The following KCTD19 variants were observed in gnomAD, a reference collection of about 807,000 sequenced individuals.
KCTD19 encodes the protein BTB/POZ domain-containing protein KCTD19.
KCTD19 carries 67 observed loss-of-function variants against 103.5 expected under a neutral mutation model. That is an observed-to-expected ratio of 0.65 (90% CI 0.53 to 0.79). The LOEUF (loss-of-function observed/expected upper bound fraction) is 0.79. Ranked by LOEUF, KCTD19 falls within the 30% of genes least tolerant of loss-of-function variation. The probability of loss-of-function intolerance (pLI) is 0.00; values close to 1 mark genes in which losing one functional copy is unlikely to be tolerated. For missense variants in KCTD19, 980 were observed against 1,136.1 expected (o/e 0.86, Z 1.98); for synonymous variants, 439 against 452.2 (o/e 0.97, Z 0.37).
rs371085149 is a variant in KCTD19 at position 67,289,668 on chromosome 16, G to A, written c.2682C>T (p.Phe894=). ...LYSWVELTLP[F]ARKYGRCMDL... ...CCATGCATCGGCCATATTTCCTGGC[G>A]AAGGGCAGTGTAAGCTGGAAGGAAA... is the stretch of plus-strand genomic sequence containing the variant. The change falls in exon 16 of 16, where the codon TTC becomes TTT. Residue 894 remains phenylalanine (F), a synonymous_variant. Coordinates refer to ENST00000304372, the MANE Select transcript of KCTD19 (RefSeq NM_001100915.3). 92 of 1,613,350 alleles carry A rather than the reference G, an allele frequency of 5.7e-5. No individual in the cohort carries two copies. The African/African-American group carries it at 6.5e-4, about 11-fold the overall frequency.
chr16:67,295,702 T>C (rs936103198), intron 8 of KCTD19: 5 of 347,114 alleles, frequency 1.4e-5, no homozygotes, highest in African/African-American at 1.0e-4. Flanking sequence ...CTATGCAAAC[T>C]CTGGAGGGCC....
chr16:67,296,523 C>T (rs1353915637), intron 7 of KCTD19, among the ~76,000 whole-genome samples: 2 of 152,166 alleles, frequency 1.3e-5, no homozygotes, highest in African/African-American at 4.8e-5. Context: ...ACCCTGTCCA[C>T]CTACAATGCC....
In KCTD19 at chr16:67,293,544, C is replaced by T; in HGVS notation, c.2218G>A (p.Glu740Lys). Reference protein sequence around the residue: ...DWSKQRTKERESPAPEQPLPE... With the variant: ...DWSKQRTKERKSPAPEQPLPE... Reference sequence around the variant, plus strand: ...TAGATCAAAGGGGGACAGGACTCACCTCTCTCCTTGGTCCTCTGCTTGCTC... The same window carrying T: ...TAGATCAAAGGGGGACAGGACTCACTTCTCTCCTTGGTCCTCTGCTTGCTC... The change falls in exon 12 of 16, where the codon GAA (glutamate) becomes AAA (lysine). Residue 740 changes from glutamate to lysine, a missense_variant and splice_region_variant. Glu to Lys is a moderately conservative substitution (Grantham distance 56, BLOSUM62 1). Coordinates refer to ENST00000304372, the MANE Select transcript of KCTD19 (RefSeq NM_001100915.3). The surrounding 1 kb of genome is among the most constrained non-coding windows in gnomAD (Gnocchi z 4.0). 1 of 1,613,068 alleles carries T rather than the reference C, an allele frequency of 6.2e-7. No homozygotes were observed. The highest frequency in any genetic ancestry group is 8.5e-7 in the Non-Finnish European group (1 of 1,179,394).
In KCTD19 at chr16:67,289,641, G is replaced by A. The variant is rs377068044; in HGVS notation, c.2709C>T (p.Asp903=). 4.3e-6 allele frequency: 7 copies of A among 1,614,036 alleles called. No homozygotes were observed. In the South Asian group the frequency reaches 4.4e-5, roughly 10 times the overall value. ...PFARKYGRCM[D]LLIQRGLSRS... ...TAGACAGGCCCCTCTGGATGAGCAGGTCCATGCATCGGCCATATTTCCTGG... is the reference window on the plus strand; with the variant it reads ...TAGACAGGCCCCTCTGGATGAGCAGATCCATGCATCGGCCATATTTCCTGG... The change falls in exon 16 of 16, where the codon GAC becomes GAT. Residue 903 remains aspartate, a synonymous_variant. Transcript: ENST00000304372.
chr16:67,324,376 TTA>T (rs1451771193), intron 1 of KCTD19, among the ~76,000 whole-genome samples: 7 of 152,234 alleles, frequency 4.6e-5, no homozygotes, highest in Non-Finnish European at 1.0e-4. Flanking sequence ...CGAATTCTAA[TTA>T]AAAATTATGC....
chr16:67,322,201 T>G (rs2037081735), intron 1 of KCTD19, among the ~76,000 whole-genome samples: 1 of 151,724 alleles, frequency 6.6e-6, no homozygotes. Flanking sequence ...TCCATATGCA[T>G]AAAAGATAAT....
Position 67,290,987 on chromosome 16 carries a change from C to G in KCTD19, c.2566-1G>C, listed in dbSNP as rs2036683571. The G allele has an allele frequency of 2.5e-6, 4 of 1,613,922 alleles. No individual in the cohort carries two copies. Among genetic ancestry groups the G allele is most frequent in the Non-Finnish European group, 3.4e-6 (4 of 1,179,906 alleles). The stretch of plus-strand genomic sequence containing the variant: ...ACTGCTTGGGGCTGATGTGCAGGGT[C>G]TGCCAGGAGAGCCCACAGTCAGGCA... On this transcript the variant is annotated splice_acceptor_variant, in intron 14 of 15. Coordinates refer to ENST00000304372, the MANE Select transcript of KCTD19 (RefSeq NM_001100915.3). LOFTEE classifies it high-confidence loss of function.
In KCTD19 at chr16:67,299,542, C is replaced by T; in HGVS notation, c.807G>A (p.Leu269=). 1.9e-6 allele frequency: 3 copies of T among 1,613,540 alleles called. No homozygotes were observed. Among genetic ancestry groups the T allele is most frequent in the South Asian group, 1.1e-5 (1 of 91,080 alleles). ...GGCSPTTCSP[L]SPGKGARTAS... is the part of the protein sequence containing the mutation. ...CTGTGCGGGCCCCCTTCCCGGGGCT[C>T]AGGGGAGAACAGGTGGTCGGGGAAC... Residue 269 remains leucine, a synonymous_variant, in exon 6 of 16, where the codon CTG becomes CTA. Coordinates refer to ENST00000304372, the MANE Select transcript of KCTD19 (RefSeq NM_001100915.3).
rs746693583 is a variant in KCTD19, at chr16:67,294,127, C to T, written c.1635G>A (p.Arg545=). ...MPVDFEDCSD[R]TPWNKAKGNL... The stretch of plus-strand genomic sequence containing the variant: ...TTCCCTTAGCCTTGTTCCATGGAGT[C>T]CTGTCACTGCAGTCTTCGAAGTCCA... Residue 545 remains arginine, a synonymous_variant, in exon 12 of 16, where the codon AGG becomes AGA. Transcript: ENST00000304372. 3 of 1,610,636 alleles carry T rather than the reference C, an allele frequency of 1.9e-6. No individual in the cohort carries two copies. The highest frequency in any genetic ancestry group is 1.1e-5 in the South Asian group (1 of 91,044).
At chr16:67,324,608 G>A (rs895043872) in intron 1 of KCTD19, among the ~76,000 whole-genome samples, 1 of 152,150 alleles carries the variant, frequency 6.6e-6, no homozygotes, top group Non-Finnish European at 1.5e-5. Flanking sequence ...TAAGACGTTC[G>A]TGGGGGAAAA....
rs539466701 is a variant in KCTD19 at position 67,294,529 on chromosome 16, G to A, written c.1590+51C>T. ...ACCTACCCCCATCCACCCTGAGCCCGGTGGTAGTGGTTTTTGAGGATAACA... is the reference window on the plus strand; with the variant it reads ...ACCTACCCCCATCCACCCTGAGCCCAGTGGTAGTGGTTTTTGAGGATAACA... On this transcript the variant is annotated intron_variant, in intron 11 of 15. Transcript: ENST00000304372. 60 of 1,289,990 alleles carry A rather than the reference G, an allele frequency of 4.7e-5. 1 individual carries two copies. Among genetic ancestry groups the A allele is most frequent in the South Asian group, 4.4e-4 (37 of 84,138 alleles). The allele number at this position is 1,289,990 out of a possible 1,614,324, so 79.9% of individuals were successfully genotyped here.
chr16:67,301,792 C>A lies in KCTD19; in HGVS notation c.774G>T (p.Met258Ile), dbSNP rs770378302. 6.2e-7 allele frequency: 1 copy of A among 1,613,892 alleles called. No homozygotes were observed. Among genetic ancestry groups the A allele is most frequent in the South Asian group, 1.1e-5 (1 of 91,004 alleles). Residue 258 changes from methionine to isoleucine, a missense_variant and splice_region_variant, in exon 5 of 16, where the codon ATG becomes ATT. By Grantham distance (10) the Met-to-Ile change is conservative. Transcript: ENST00000304372. The stretch of plus-strand genomic sequence containing the variant: ...AGCCAAGGTTTCCTGGCGACATACC[C>A]ATGTTCATCCGGTACCACCTTACGG... The part of the protein sequence containing the change: ...TEAVRWYRMN[M>I]GGCSPTTCSP...
At chr16:67,315,439 A>T (rs535914825) in intron 2 of KCTD19, among the ~76,000 whole-genome samples, 169 of 150,808 alleles carry the variant, frequency 1.1e-3, no homozygotes, top group South Asian at 1.9e-3. Flanking sequence ...CACAGCAGCT[A>T]GGATTACAGG....
chr16:67,305,353 AAC>A (rs2036880944), intron 2 of KCTD19: 2 of 236,264 alleles, frequency 8.5e-6, no homozygotes, highest in South Asian at 9.9e-5. Context: ...AACACACTTT[AAC>A]ACACTTTTTC....
At chr16:67,298,639 T>C (rs1286923198) in intron 6 of KCTD19, among the ~76,000 whole-genome samples, 2 of 152,162 alleles carry the variant, frequency 1.3e-5, no homozygotes, top group Non-Finnish European at 2.9e-5. Flanking sequence ...CTGAAAGATA[T>C]GGACTTTATG....
chr16:67,325,376 C>T, intron 1 of KCTD19, among the ~76,000 whole-genome samples: 1 of 145,606 alleles, frequency 6.9e-6, no homozygotes, highest in African/African-American at 2.7e-5. Flanking sequence ...CCACGCCCGG[C>T]TTTATTTTAT....
rs2037063025 is a variant in KCTD19, at chr16:67,320,711, C to T, written c.178G>A (p.Gly60Ser). 6.2e-7 allele frequency: 1 copy of T among 1,614,144 alleles called. No homozygotes were observed. The change falls in exon 2 of 16, where the codon GGT (glycine) becomes AGT (serine). Residue 60 changes from glycine (G) to serine (S), a missense_variant. Gly to Ser is a moderately conservative substitution (Grantham distance 56, BLOSUM62 0). Coordinates refer to ENST00000304372, the MANE Select transcript of KCTD19 (RefSeq NM_001100915.3). The surrounding 1 kb of genome is among the most constrained non-coding windows in gnomAD (Gnocchi z 4.0). ...ESQRLFIDRD[G>S]STFRHVHYYL... ...TAGTGCACGTGCCTAAATGTGGAACCATCTCTGTCGATAAATAGCCTCTGG... is the reference window on the plus strand; with the variant it reads ...TAGTGCACGTGCCTAAATGTGGAACTATCTCTGTCGATAAATAGCCTCTGG...
rs918808425 is a variant in KCTD19, at chr16:67,325,199, C to CTTTTTTTTTTT, written c.3+1505_3+1506insAAAAAAAAAAA. Among the ~76,000 whole-genome samples, 38 of 132,324 alleles carry CTTTTTTTTTTT rather than the reference C, an allele frequency of 2.9e-4. 1 individual carries two copies. The highest frequency in any genetic ancestry group is 1.1e-3 in the South Asian group (5 of 4,364). 86.8% of individuals were successfully genotyped at this position (132,324 alleles called of 152,430 possible). A position where few individuals can be genotyped will look rare whatever the true frequency, so the allele number is the denominator to read the frequency against. On this transcript the variant is annotated intron_variant, in intron 1 of 15. Transcript: ENST00000304372. The stretch of plus-strand genomic sequence containing the variant: ...CTTTCTTTCTTTTTTTTCTTTTTTT[C>CTTTTTTTTTTT]TTTTTTTCTTTTTTTTTTTTTTTGA...
chr16:67,303,365 C>T lies in KCTD19; in HGVS notation c.452-28G>A. On this transcript the variant is annotated intron_variant, in intron 3 of 15. Transcript: ENST00000304372. The surrounding 1 kb of genome is among the most constrained non-coding windows in gnomAD (Gnocchi z 4.3). ...GGAAGAGAACATGCAGGCAGTGTTG[C>T]CACCTCTCAGAAGCCAGGGATCTGA... 1 of 1,582,748 alleles carries T rather than the reference C, an allele frequency of 6.3e-7. No homozygotes were observed. The highest frequency in any genetic ancestry group is 8.6e-7 in the Non-Finnish European group (1 of 1,160,492).
Sources: gnomAD v4.1 joint callset for allele counts (sites outside exome capture counted in the v4.1 genomes callset) on GRCh38, gnomAD v4.1.1 for gene constraint, Gnocchi (gnomAD v3.1) non-coding constraint, MANE v1.5 for transcripts, NCBI Gene and HGNC (gene_info 2026-07-23, HGNC 2026-07-21) for gene names.